Variants in PILRA observed in about 807,000 individuals in gnomAD.
The protein encoded by PILRA is paired immunoglobulin-like type 2 receptor alpha.
A neutral mutation model predicts 33.1 loss-of-function variants in PILRA; 37 were observed. The ratio of observed to expected loss-of-function variants is 1.12; its 90% CI spans 0.86 to 1.47. PILRA has a LOEUF of 1.47. Ranked by LOEUF, PILRA falls within the 40% of genes most tolerant of loss-of-function variation. The pLI is 0.00. For missense variants in PILRA, 312 were observed against 376.2 expected, an observed-to-expected ratio of 0.83 and a Z score of 1.41; for synonymous variants, 146 against 149.9, an observed-to-expected ratio of 0.97 and a Z score of 0.19.
chr7:100,387,027 GT>G (rs1293059402), intron 2 of PILRA, among the ~76,000 whole-genome samples: 3 of 152,058 alleles, frequency 2.0e-5, no homozygotes, highest in Non-Finnish European at 4.4e-5. Flanking sequence ...CTTATGAAAG[GT>G]AGTTCTTGCA....
At chr7:100,379,416 C>T (rs976031704) in intron 2 of PILRA, among the ~76,000 whole-genome samples, 2 of 151,984 alleles carry the variant, frequency 1.3e-5, no homozygotes, top group African/African-American at 4.8e-5. Flanking sequence ...CTCTGTAATC[C>T]CAGCACTTTG....
chr7:100,389,135 A>C (rs914696964), intron 2 of PILRA, among the ~76,000 whole-genome samples: 1 of 152,188 alleles, frequency 6.6e-6, no homozygotes, highest in Admixed American at 6.6e-5. Flanking sequence ...GCACTCCGTT[A>C]AGACGTGGGG....
intron 2 of PILRA, among the ~76,000 whole-genome samples, chr7:100,384,190 T>C (rs974467319): frequency 6.6e-6 from 1 of 151,916 alleles, no homozygotes; most frequent in Non-Finnish European, 1.5e-5. Context: ...CCTGAGCATC[T>C]TGAAGGACAG....
chr7:100,388,301 A>G (rs182966707), intron 2 of PILRA, among the ~76,000 whole-genome samples: 2 of 152,276 alleles, frequency 1.3e-5, no homozygotes, highest in East Asian at 1.9e-4. Context: ...TACTATGTCA[A>G]TTTTTTAAGG....
At chr7:100,399,156 C>T (rs1382617384) in intron 4 of PILRA, 135 bp from the exon 5 acceptor site, 9 of 616,268 alleles carry the variant, frequency 1.5e-5, no homozygotes, top group African/African-American at 1.1e-4. Context: ...CCAGGCTGGT[C>T]TTGTACTCCT....
intron 2 of PILRA, among the ~76,000 whole-genome samples, chr7:100,381,619 A>C (rs111293662): frequency 0.034 from 5,141 of 152,218 alleles, 306 homozygotes; most frequent in African/African-American, 0.12. Flanking sequence ...CTCTGTGCCC[A>C]CTCTGGCCGC....
At position 100,373,591 on chromosome 7, in the gene PILRA, C is replaced by T; in HGVS notation, c.-66C>T. 1.3e-6 allele frequency: 2 copies of T among 1,590,466 alleles called. No homozygotes were observed. The highest frequency in any genetic ancestry group is 3.3e-5 in the Admixed American group (2 of 59,978). The stretch of plus-strand genomic sequence containing the variant: ...CACCTCAACCCCCAGGCGGCCCCTC[C>T]ACAGGGCCCCTCTCCTGCCTGGACG... On this transcript the variant is annotated 5_prime_UTR_variant, in exon 1 of 7. Transcript: ENST00000198536.
At chr7:100,376,602 C>T (rs1342847889) in intron 2 of PILRA, among the ~76,000 whole-genome samples, 1 of 149,150 alleles carries the variant, frequency 6.7e-6, no homozygotes, top group Non-Finnish European at 1.5e-5. Flanking sequence ...CCCGCTCAGC[C>T]TCCAAGTAGC....
Position 100,399,813 on chromosome 7 carries a change from C to A in PILRA, c.818C>A (p.Ala273Asp), listed in dbSNP as rs1425384038. Residue 273 changes from alanine (A) to aspartate (D), a missense_variant, in exon 7 of 7, where the codon GCC becomes GAC. Coordinates refer to ENST00000198536, the MANE Select transcript of PILRA (RefSeq NM_013439.3). ...KDDGIVYASL[A>D]LSSSTSPRAP... is the part of the protein sequence containing the mutation. ...GACGGCATCGTCTATGCTTCCCTTG[C>A]CCTCTCCAGCTCCACCTCACCCAGA... The A allele has an allele frequency of 3.1e-6, 5 of 1,612,304 alleles. No homozygotes were observed.
At chr7:100,385,895 C>T (rs1791241802) in intron 2 of PILRA, among the ~76,000 whole-genome samples, 1 of 151,756 alleles carries the variant, frequency 6.6e-6, no homozygotes, top group African/African-American at 2.4e-5. Flanking sequence ...TCCCACAGTG[C>T]TGGGATTACA....
At position 100,399,340 on chromosome 7, in the gene PILRA, G is replaced by A. The variant is rs1791588202; in HGVS notation, c.757G>A (p.Gly253Arg). The change falls in exon 5 of 7, where the codon GGA (glycine) becomes AGA (arginine). Residue 253 changes from glycine (G) to arginine (R), a missense_variant and splice_region_variant. Physicochemically the swap from Gly to Arg is moderately radical, Grantham distance 125 (BLOSUM62 -2). Transcript: ENST00000198536. ...EEPYENIRNE[G>R]QNTDPKLNPK... is the part of the protein sequence containing the mutation. The stretch of plus-strand genomic sequence containing the variant: ...GCCATATGAGAATATCAGGAATGAA[G>A]GTGAGTCCTTACCACCATCCTTCCC... The A allele has an allele frequency of 3.1e-6, 5 of 1,611,712 alleles. No individual in the cohort carries two copies. In the South Asian group the frequency reaches 4.4e-5, roughly 14 times the overall value.
upstream of PILRA, among the ~76,000 whole-genome samples, chr7:100,373,182 A>G (rs1273366221): frequency 1.3e-5 from 2 of 151,990 alleles, no homozygotes; most frequent in Non-Finnish European, 2.9e-5. Context: ...CTCTCTGAGG[A>G]CTGAATCTGG....
At chr7:100,378,003 C>T (rs1241973993) in intron 2 of PILRA, among the ~76,000 whole-genome samples, 1 of 152,134 alleles carries the variant, frequency 6.6e-6, no homozygotes. Context: ...AACTTTATCA[C>T]ATTTCAATGC....
chr7:100,399,813 C>T lies in PILRA; in HGVS notation c.818C>T (p.Ala273Val). 3.1e-6 allele frequency: 5 copies of T among 1,612,306 alleles called. No individual in the cohort carries two copies. The highest frequency in any genetic ancestry group is 4.2e-6 in the Non-Finnish European group (5 of 1,179,048). The change falls in exon 7 of 7, where the codon GCC (alanine) becomes GTC (valine). Residue 273 changes from alanine (A) to valine (V), a missense_variant. Physicochemically the swap from Ala to Val is moderately conservative, Grantham distance 64. Transcript: ENST00000198536. The part of the protein sequence containing the change: ...KDDGIVYASL[A>V]LSSSTSPRAP... Reference sequence around the variant, plus strand: ...GACGGCATCGTCTATGCTTCCCTTGCCCTCTCCAGCTCCACCTCACCCAGA... The same window carrying T: ...GACGGCATCGTCTATGCTTCCCTTGTCCTCTCCAGCTCCACCTCACCCAGA...
intron 2 of PILRA, among the ~76,000 whole-genome samples, chr7:100,386,950 TG>T (rs746444297): frequency 6.6e-6 from 1 of 152,340 alleles, no homozygotes; most frequent in East Asian, 1.9e-4. Context: ...GAAACTTCTA[TG>T]TGAGAATTCT....
upstream of PILRA, among the ~76,000 whole-genome samples, chr7:100,371,563 G>A (rs946272219): frequency 1.3e-5 from 2 of 152,102 alleles, no homozygotes; most frequent in Non-Finnish European, 2.9e-5. Context: ...CCAAGCAGTG[G>A]TTCTCATAAT....
chr7:100,396,335 T>C (rs1361461748), intron 3 of PILRA, among the ~76,000 whole-genome samples: 3 of 152,224 alleles, frequency 2.0e-5, no homozygotes, highest in Non-Finnish European at 4.4e-5. Flanking sequence ...TTTATACATA[T>C]AATGGAATAT....
chr7:100,397,879 G>A lies in PILRA; in HGVS notation c.674G>A (p.Gly225Asp), dbSNP rs201340044. 1.2e-5 allele frequency: 19 copies of A among 1,613,856 alleles called. No individual in the cohort carries two copies. In the East Asian group the frequency reaches 4.0e-4, roughly 34 times the overall value. ...ICLLRWRRRK[G>D]QQRTKATTPA... ...TGACTCACTGTTGGTCCCCCTACAGGTCAGCAGCGGACTAAAGCCACAACC... is the reference window on the plus strand; with the variant it reads ...TGACTCACTGTTGGTCCCCCTACAGATCAGCAGCGGACTAAAGCCACAACC... The change falls in exon 4 of 7, where the codon GGT (glycine) becomes GAT (aspartate). Residue 225 changes from glycine to aspartate, a missense_variant and splice_region_variant. Coordinates refer to ENST00000198536, the MANE Select transcript of PILRA (RefSeq NM_013439.3).
intron 2 of PILRA, among the ~76,000 whole-genome samples, chr7:100,375,001 G>A (rs1367009269): frequency 6.6e-6 from 1 of 152,018 alleles, no homozygotes; most frequent in Non-Finnish European, 1.5e-5. Flanking sequence ...CTCCCCCTCT[G>A]CTTCCCAGAA....
Sources: allele counts gnomAD v4.1 joint callset (sites outside exome capture counted in the v4.1 genomes callset), GRCh38; gene constraint gnomAD v4.1.1; transcripts MANE v1.5; gene names NCBI Gene and HGNC (gene_info 2026-07-23, HGNC 2026-07-21).